GSN: variants seen among roughly 807,000 people sequenced by gnomAD.
GSN encodes gelsolin.
GSN carries 56 observed loss-of-function variants against 85.7 expected under a neutral mutation model. The observed-to-expected ratio is 0.65, with a 90% CI of 0.53 to 0.82. GSN has a LOEUF of 0.82. Among genes scored for constraint, GSN ranks in the 40% least tolerant of loss-of-function variants. The probability of loss-of-function intolerance (pLI) is 0.00; values close to 1 mark genes in which losing one functional copy is unlikely to be tolerated. For missense variants in GSN, 857 were observed against 979.8 expected, an observed-to-expected ratio of 0.87 and a Z score of 1.67; for synonymous variants, 373 against 399.1, an observed-to-expected ratio of 0.93 and a Z score of 0.78.
rs748253852 is a variant in GSN, at chr9:121,331,584, C to T, written c.2026+136C>T. 3.8e-4 allele frequency: 243 copies of T among 644,816 alleles called. 1 individual carries two copies. Among genetic ancestry groups the T allele is most frequent in the Non-Finnish European group, 1.2e-4 (44 of 353,516 alleles). The allele number at this position is 644,816 out of a possible 1,614,324, so 39.9% of individuals were successfully genotyped here. A position where few individuals can be genotyped will look rare whatever the true frequency, so the allele number is the denominator to read the frequency against. On this transcript the variant is annotated intron_variant, in intron 17 of 17. Coordinates refer to ENST00000432226, the MANE Select transcript of GSN (RefSeq NM_198252.3). ...CAAGATAGGGTGGGGACTTCCTCCTCTGTGGGCCAGCCCCTCATAAATCCT... is the reference window on the plus strand; with the variant it reads ...CAAGATAGGGTGGGGACTTCCTCCTTTGTGGGCCAGCCCCTCATAAATCCT...
intron 6 of GSN, among the ~76,000 whole-genome samples, chr9:121,250,872 G>GGGGTGT (rs1442699606): frequency 7.4e-6 from 1 of 135,018 alleles, no homozygotes; most frequent in Non-Finnish European, 1.6e-5. Context: ...GCCTGCTTGG[G>GGGGTGT]GTGTGTGTGT....
chr9:121,299,311 G>A lies in GSN; in HGVS notation c.-9-2652G>A, dbSNP rs546473529. 235 of 985,152 alleles carry A rather than the reference G, an allele frequency of 2.4e-4. No homozygotes were observed. The highest frequency in any genetic ancestry group is 5.5e-4 in the Admixed American group (9 of 16,284). The allele number at this position is 985,152 out of a possible 1,614,324, so 61.0% of individuals were successfully genotyped here. ...TGCCCTGCTGCGGCGCATGCTGCCT[G>A]GTGGGGGTTCTGCCCAGGCCCACTA... On this transcript the variant is annotated intron_variant, in intron 2 of 17. Coordinates refer to ENST00000432226, the MANE Select transcript of GSN (RefSeq NM_198252.3). This position sits in a 1 kb window ranked among gnomAD's most constrained non-coding sequence, Gnocchi z 4.2.
At chr9:121,293,333 T>C (rs1588852865) in intron 2 of GSN, among the ~76,000 whole-genome samples, 1 of 151,998 alleles carries the variant, frequency 6.6e-6, no homozygotes, top group East Asian at 1.9e-4. Flanking sequence ...GTCACCTATG[T>C]CCCCTCAACC....
At chr9:121,331,635 G>T in intron 17 of GSN, 187 bp downstream of exon 17, 1 of 577,004 alleles carries the variant, frequency 1.7e-6, no homozygotes. Context: ...GAACACATCA[G>T]TTCCTTCAGA....
At chr9:121,264,276 G>T (rs2055151873), upstream of GSN, among the ~76,000 whole-genome samples, 1 of 152,066 alleles carries the variant, frequency 6.6e-6, no homozygotes, top group Non-Finnish European at 1.5e-5. Context: ...AACATAGAGA[G>T]ACTTCATCTC....
intron 1 of GSN, chr9:121,207,923 A>G (rs576354662): frequency 0.025 from 3,457 of 139,588 alleles, 174 homozygotes; most frequent in African/African-American, 0.083. Flanking sequence ...TCTGGCTAAT[A>G]TGTGTGTGTG....
chr9:121,317,486 T>G (rs2061854430), intron 8 of GSN: 1 of 469,338 alleles, frequency 2.1e-6, no homozygotes, highest in Non-Finnish European at 3.9e-6. Context: ...GAGAGGCTAA[T>G]TGGCATCCTG....
intron 2 of GSN, chr9:121,284,783 A>G (rs1481116546): frequency 1.2e-5 from 2 of 167,136 alleles, no homozygotes; most frequent in East Asian, 3.8e-4. Context: ...GACTTGATCC[A>G]TGGGATTTCA....
chr9:121,286,017 C>T, intron 2 of GSN: 1 of 993,124 alleles, frequency 1.0e-6, no homozygotes, highest in Non-Finnish European at 1.5e-6. Flanking sequence ...ACTGTGTGTG[C>T]CTGTGATGCC....
chr9:121,282,085 C>G, intron 2 of GSN: 2 of 466,304 alleles, frequency 4.3e-6, no homozygotes, highest in Non-Finnish European at 8.7e-6. Flanking sequence ...TGGGGCCCAC[C>G]TGACTATCAG....
chr9:121,207,762 C>CTTTTTTTTTTT (rs71370636), upstream of GSN: 1 of 148,034 alleles, frequency 6.8e-6, no homozygotes, highest in Non-Finnish European at 1.5e-5. Context: ...TAACTTCTCT[C>CTTTTTTTTTTT]TTTTTTTTTT....
rs753400828 is a variant in GSN, at chr9:121,318,784, C to T, written c.1095C>T (p.Asn365=). 1.5e-5 allele frequency: 25 copies of T among 1,614,024 alleles called. No homozygotes were observed. Among genetic ancestry groups the T allele is most frequent in the East Asian group, 2.2e-5 (1 of 44,892 alleles). Residue 365 remains asparagine, a synonymous_variant, in exon 10 of 18, where the codon AAC becomes AAT. Transcript: ENST00000432226. This position sits in a 1 kb window ranked among gnomAD's most constrained non-coding sequence, Gnocchi z 4.3. ...GLSYLSSHIA[N]VERVPFDAAT... ...CCTACCTTTCCAGCCATATCGCCAA[C>T]GTGGAGCGGGTGCCCTTCGACGCCG...
At chr9:121,263,359 A>C (rs2055127382), upstream of GSN, among the ~76,000 whole-genome samples, 1 of 152,248 alleles carries the variant, frequency 6.6e-6, no homozygotes, top group Non-Finnish European at 1.5e-5. Context: ...ATAATTATGA[A>C]GTACTAAGTT....
At chr9:121,269,081 G>A (rs2055518494) in intron 1 of GSN, among the ~76,000 whole-genome samples, 1 of 152,212 alleles carries the variant, frequency 6.6e-6, no homozygotes, top group African/African-American at 2.4e-5. Context: ...TCAGAGCATG[G>A]AAGGGAGCTT....
chr9:121,316,997 G>T (rs2061785421), intron 7 of GSN, 89 bp from the exon 8 acceptor site: 6 of 1,559,304 alleles, frequency 3.8e-6, no homozygotes, highest in Middle Eastern at 2.0e-4. Flanking sequence ...GGGCCATTTG[G>T]GACAGGGGGT....
At position 121,328,884 on chromosome 9, in the gene GSN, C is replaced by T. The variant is rs181442771; in HGVS notation, c.1763-7C>T. ...CCCTTGGCAACTGGCGTGGCCTCCCCTCACAGATGGCTTCTGGGAGGCCCT... is the reference window on the plus strand; with the variant it reads ...CCCTTGGCAACTGGCGTGGCCTCCCTTCACAGATGGCTTCTGGGAGGCCCT... On this transcript the variant is annotated splice_region_variant and splice_polypyrimidine_tract_variant and intron_variant, in intron 14 of 17. Coordinates refer to ENST00000432226, the MANE Select transcript of GSN (RefSeq NM_198252.3). The T allele has an allele frequency of 6.2e-7, 1 of 1,610,552 alleles. No homozygotes were observed. Among genetic ancestry groups the T allele is most frequent in the Middle Eastern group, 1.6e-4 (1 of 6,062 alleles).
intron 4 of GSN, chr9:121,310,073 G>GA (rs2060911256): frequency 6.5e-6 from 1 of 153,224 alleles, no homozygotes; most frequent in Middle Eastern, 3.1e-3. Context: ...AAAAAAGAAA[G>GA]GAAAGAAAAA....
chr9:121,302,217 G>A lies in GSN; in HGVS notation c.196+50G>A, dbSNP rs761914894. 3 of 1,598,872 alleles carry A rather than the reference G, an allele frequency of 1.9e-6. No homozygotes were observed. The African/African-American group carries it at 4.0e-5, about 21-fold the overall frequency. On this transcript the variant is annotated intron_variant, in intron 3 of 17. Transcript: ENST00000432226. ...TGCCCCAGCCCCCATTCTGAACAGT[G>A]CAGACCTTTGGGGCATGGTCCCCAG... is the stretch of plus-strand genomic sequence containing the variant.
In GSN at chr9:121,317,872, A is replaced by G. The variant is rs78315809; in HGVS notation, c.887-534A>G. ...TGGGGAGAAAGAGAGAGAGAGAGAC[A>G]CTATTATGATTATTACTCTCTAGGC... On this transcript the variant is annotated intron_variant, in intron 8 of 17. Transcript: ENST00000432226. The G allele has an allele frequency of 9.0e-4, 172 of 191,262 alleles. 1 individual carries two copies. Among genetic ancestry groups the G allele is most frequent in the Non-Finnish European group, 1.7e-3 (154 of 91,394 alleles). 11.8% of individuals were successfully genotyped at this position (191,262 alleles called of 1,614,324 possible).
Sources: allele counts gnomAD v4.1 joint callset (sites outside exome capture counted in the v4.1 genomes callset), GRCh38; gene constraint gnomAD v4.1.1; non-coding constraint Gnocchi (gnomAD v3.1); transcripts MANE v1.5; gene names NCBI Gene and HGNC (gene_info 2026-07-23, HGNC 2026-07-21).